FRMD4A: variants seen among roughly 807,000 people sequenced by gnomAD.
FRMD4A encodes the protein FERM domain-containing protein 4A.
Under a neutral mutation model 129.1 loss-of-function variants are expected in FRMD4A, and 29 were observed. That is an observed-to-expected ratio of 0.22 (90% CI 0.17 to 0.31). The LOEUF (loss-of-function observed/expected upper bound fraction) is 0.31, where lower values mean the gene tolerates loss of function less well. Ranked by LOEUF, FRMD4A falls within the 10% of genes least tolerant of loss-of-function variation. The pLI is 1.00. For synonymous variants in FRMD4A, 634 were observed against 571.6 expected (o/e 1.11, Z -1.56); for missense variants, 1,272 against 1,375.8 (o/e 0.92, Z 1.19).
chr10:14,232,149 G>A (rs1448147567), intron 2 of FRMD4A, among the ~76,000 whole-genome samples: 1 of 152,236 alleles, frequency 6.6e-6, no homozygotes, highest in East Asian at 1.9e-4. Context: ...TCTGCATATG[G>A]CTAGCCAGTT....
intron 2 of FRMD4A, among the ~76,000 whole-genome samples, chr10:14,279,867 C>G (rs972976513): frequency 5.9e-5 from 9 of 152,246 alleles, no homozygotes; most frequent in African/African-American, 2.2e-4. Context: ...CTCTCTAACT[C>G]AAGCCTATGG....
rs9736 is a variant in FRMD4A at position 13,646,166 on chromosome 10, G to A, written c.*872C>T. ...TGGGGCAGTTTTTCAGGCTCTCTAC[G>A]GAGAGAGAAGTGGGCCAGTAAGGGA... is the stretch of plus-strand genomic sequence containing the variant. On this transcript the variant is annotated 3_prime_UTR_variant, in exon 25 of 25. Transcript: ENST00000357447. 13,350 of 152,588 alleles carry A rather than the reference G, an allele frequency of 0.087. 646 individuals carry two copies. Among genetic ancestry groups the A allele is most frequent in the Non-Finnish European group, 0.12 (8,266 of 68,002 alleles). The allele number at this position is 152,588 out of a possible 1,614,324, so 9.5% of individuals were successfully genotyped here.
At chr10:14,240,720 A>G (rs552639550) in intron 2 of FRMD4A, among the ~76,000 whole-genome samples, 16 of 152,342 alleles carry the variant, frequency 1.1e-4, no homozygotes, top group African/African-American at 3.8e-4. Context: ...ACAGGCAGTG[A>G]AAAAGGACTA....
At chr10:14,307,241 G>A (rs558649508) in intron 2 of FRMD4A, among the ~76,000 whole-genome samples, 3 of 152,318 alleles carry the variant, frequency 2.0e-5, no homozygotes, top group South Asian at 2.1e-4. Flanking sequence ...GAATGAATTC[G>A]AGAAAAGTAT....
At chr10:14,109,391 C>T (rs2131790263) in intron 2 of FRMD4A, among the ~76,000 whole-genome samples, 1 of 152,234 alleles carries the variant, frequency 6.6e-6, no homozygotes, top group Admixed American at 6.5e-5. Flanking sequence ...AGTGAAAGTT[C>T]TGCAAAGAAG....
chr10:13,833,067 T>A (rs2093815468), intron 3 of FRMD4A, among the ~76,000 whole-genome samples: 1 of 152,214 alleles, frequency 6.6e-6, no homozygotes, highest in Admixed American at 6.5e-5. Flanking sequence ...ACAGTATTTA[T>A]CGAGCACCCA....
intron 2 of FRMD4A, among the ~76,000 whole-genome samples, chr10:14,164,700 G>A (rs1309239173): frequency 6.6e-6 from 1 of 152,132 alleles, no homozygotes; most frequent in Non-Finnish European, 1.5e-5. Context: ...TAGATCTGAG[G>A]AAATCAACCT....
intron 2 of FRMD4A, among the ~76,000 whole-genome samples, chr10:14,179,756 G>T (rs560602385): frequency 1.3e-5 from 2 of 152,174 alleles, no homozygotes; most frequent in African/African-American, 4.8e-5. Flanking sequence ...AGAATGGGCC[G>T]GGCGCGGTGG....
intron 2 of FRMD4A, among the ~76,000 whole-genome samples, chr10:14,298,918 C>A (rs1011528379): frequency 1.3e-5 from 2 of 152,120 alleles, no homozygotes; most frequent in Admixed American, 1.3e-4. Context: ...CTGGATTACT[C>A]AGAGGATGAA....
intron 2 of FRMD4A, among the ~76,000 whole-genome samples, chr10:14,208,591 C>T (rs577412671): frequency 9.3e-4 from 141 of 152,222 alleles, no homozygotes; most frequent in Non-Finnish European, 1.8e-3. Flanking sequence ...CACTCCCCCA[C>T]CCCTCCCAAC....
intron 2 of FRMD4A, among the ~76,000 whole-genome samples, chr10:14,201,687 T>C (rs1767501125): frequency 6.6e-6 from 1 of 152,198 alleles, no homozygotes; most frequent in Non-Finnish European, 1.5e-5. Context: ...ACCTTCAAAA[T>C]GCCTCTCTGA....
intron 2 of FRMD4A, among the ~76,000 whole-genome samples, chr10:14,158,884 A>G (rs1243602232): frequency 6.6e-6 from 1 of 151,646 alleles, no homozygotes; most frequent in African/African-American, 2.4e-5. Context: ...GTAGCCTTCT[A>G]TTCCAGAAAA....
chr10:14,272,745 G>C (rs1352185259), intron 2 of FRMD4A, among the ~76,000 whole-genome samples: 1 of 152,134 alleles, frequency 6.6e-6, no homozygotes, highest in Admixed American at 6.5e-5. Flanking sequence ...TCTTTCTCTG[G>C]CTGACTTTCC....
chr10:13,695,352 G>T (rs1004601570), intron 14 of FRMD4A, among the ~76,000 whole-genome samples: 23 of 152,092 alleles, frequency 1.5e-4, no homozygotes, highest in Admixed American at 1.3e-4. Context: ...TGTTGGCCAG[G>T]CTGGTCTCAA....
chr10:13,848,699 C>G (rs2094095102), intron 3 of FRMD4A, among the ~76,000 whole-genome samples: 1 of 151,762 alleles, frequency 6.6e-6, no homozygotes, highest in South Asian at 2.1e-4. Context: ...GATGCTCAGC[C>G]CTCTCTCACA....
chr10:13,860,516 G>T (rs2094279885), intron 2 of FRMD4A, among the ~76,000 whole-genome samples: 1 of 152,126 alleles, frequency 6.6e-6, no homozygotes, highest in African/African-American at 2.4e-5. Flanking sequence ...ATCCTTTAGA[G>T]AACTCAATGC....
chr10:14,181,730 G>C (rs1257338338), intron 2 of FRMD4A, among the ~76,000 whole-genome samples: 1 of 152,128 alleles, frequency 6.6e-6, no homozygotes, highest in Non-Finnish European at 1.5e-5. Context: ...TCACTCTGTT[G>C]TCCAGGCTGG....
chr10:14,108,322 T>C (rs76811811), intron 2 of FRMD4A, among the ~76,000 whole-genome samples: 146 of 152,354 alleles, frequency 9.6e-4, no homozygotes, highest in African/African-American at 3.2e-3. Flanking sequence ...ACTGATTAAG[T>C]GCATTTGAGC....
At chr10:13,774,114 T>C (rs79444930) in intron 6 of FRMD4A, among the ~76,000 whole-genome samples, 1,616 of 152,318 alleles carry the variant, frequency 0.011, 39 homozygotes, top group African/African-American at 0.037. Context: ...TGTTGGACCA[T>C]GTAGGAATCC....
Sources: allele counts gnomAD v4.1 joint callset (sites outside exome capture counted in the v4.1 genomes callset), GRCh38; gene constraint gnomAD v4.1.1; transcripts MANE v1.5; gene names NCBI Gene and HGNC (gene_info 2026-07-23, HGNC 2026-07-21).